DYNLL2: variants seen among roughly 807,000 people sequenced by gnomAD.
The protein encoded by DYNLL2 is dynein light chain LC8-type 2, also known as dynein light chain 2, cytoplasmic.
DYNLL2 carries 1 observed loss-of-function variant against 9.7 expected under a neutral mutation model. That is an observed-to-expected ratio of 0.10 (90% CI 0.04 to 0.49). The LOEUF (loss-of-function observed/expected upper bound fraction) is 0.49. Ranked by LOEUF, DYNLL2 falls within the 20% of genes least tolerant of loss-of-function variation. The probability of loss-of-function intolerance (pLI) is 0.95; values close to 1 mark genes in which losing one functional copy is unlikely to be tolerated. For missense variants in DYNLL2, 37 were observed against 115.2 expected (o/e 0.32, Z 3.11); for synonymous variants, 35 against 40.5 (o/e 0.86, Z 0.52).
In DYNLL2 at chr17:58,094,483, C is replaced by T. The variant is rs1394117544; in HGVS notation, c.*5204C>T. 6.6e-6 allele frequency: 1 copy of T among 152,200 alleles called. No homozygotes were observed. The highest frequency in any genetic ancestry group is 2.4e-5 in the African/African-American group (1 of 41,428). 9.4% of individuals were successfully genotyped at this position (152,200 alleles called of 1,614,324 possible). A position where few individuals can be genotyped will look rare whatever the true frequency, so the allele number is the denominator to read the frequency against. On this transcript the variant is annotated 3_prime_UTR_variant, in exon 3 of 3. Coordinates refer to ENST00000579991, the MANE Select transcript of DYNLL2 (RefSeq NM_080677.3). ...TATAGGGAAGGAAATAGGGAAGAAACTTGTCTAAGGTCACATGGATGTTCG... is the reference window on the plus strand; with the variant it reads ...TATAGGGAAGGAAATAGGGAAGAAATTTGTCTAAGGTCACATGGATGTTCG...
chr17:58,095,250 T>C lies in DYNLL2; in HGVS notation c.*5971T>C, dbSNP rs545267745. ...ATTTCTGAACTCTGCCATTCCAGTG[T>C]GAGAGCAGCCATAGATAATATGTAA... is the stretch of plus-strand genomic sequence containing the variant. On this transcript the variant is annotated 3_prime_UTR_variant, in exon 3 of 3. Transcript: ENST00000579991. 6.6e-6 allele frequency: 1 copy of C among 152,308 alleles called. No individual in the cohort carries two copies. The highest frequency in any genetic ancestry group is 2.4e-5 in the African/African-American group (1 of 41,574). 9.4% of individuals were successfully genotyped at this position (152,308 alleles called of 1,614,324 possible).
In DYNLL2 at chr17:58,087,348, C is replaced by G. The variant is rs995321731; in HGVS notation, c.132+126C>G. ...TCCTGTGCAAGCAAAACCCTAGGAA[C>G]TTGCAAAGCAGACAAACTAGCGAGT... On this transcript the variant is annotated intron_variant, in intron 2 of 2. Transcript: ENST00000579991. The G allele has an allele frequency of 3.7e-6, 5 of 1,367,890 alleles. No individual in the cohort carries two copies. The African/African-American group carries it at 7.3e-5, about 20-fold the overall frequency. 84.7% of individuals were successfully genotyped at this position (1,367,890 alleles called of 1,614,324 possible).
At chr17:58,086,924 A>G (rs2143594515) in intron 1 of DYNLL2, among the ~76,000 whole-genome samples, 158 bp from the exon 2 acceptor site, 1 of 152,252 alleles carries the variant, frequency 6.6e-6, no homozygotes, top group South Asian at 2.1e-4. Context: ...TGTCTCTGCC[A>G]AAGCTTAGGG....
rs779848400 is a variant in DYNLL2, at chr17:58,087,721, TAAGAA to T, written c.132+503_132+507del. On this transcript the variant is annotated intron_variant, in intron 2 of 2. Coordinates refer to ENST00000579991, the MANE Select transcript of DYNLL2 (RefSeq NM_080677.3). ...CATCACCCCTTTCTGTCTACATTCT[TAAGAA>T]AAGGGTGGGCTCAAATATATAATTT... is the stretch of plus-strand genomic sequence containing the variant. 3.3e-5 allele frequency among the ~76,000 whole-genome samples: 5 copies of T among 152,234 alleles called. No individual in the cohort carries two copies. The East Asian group carries it at 9.6e-4, about 29-fold the overall frequency.
intron 2 of DYNLL2, among the ~76,000 whole-genome samples, chr17:58,088,274 T>C (rs2075767827): frequency 6.6e-6 from 1 of 152,174 alleles, no homozygotes; most frequent in Non-Finnish European, 1.5e-5. Flanking sequence ...TGAGCCGAGA[T>C]TGAAGCTGGG....
At position 58,094,933 on chromosome 17, in the gene DYNLL2, C is replaced by T. The variant is rs1187610839; in HGVS notation, c.*5654C>T. ...ATTTGTGCTGTAGCATTTATCAGTA[C>T]TTTGTTCCTTTTTCTAGCTGAGTAA... On this transcript the variant is annotated 3_prime_UTR_variant, in exon 3 of 3. Coordinates refer to ENST00000579991, the MANE Select transcript of DYNLL2 (RefSeq NM_080677.3). 6.6e-6 allele frequency: 1 copy of T among 152,164 alleles called. No homozygotes were observed. The highest frequency in any genetic ancestry group is 2.4e-5 in the African/African-American group (1 of 41,420). 9.4% of individuals were successfully genotyped at this position (152,164 alleles called of 1,614,324 possible). A position where few individuals can be genotyped will look rare whatever the true frequency, so the allele number is the denominator to read the frequency against.
At position 58,093,735 on chromosome 17, in the gene DYNLL2, G is replaced by A. The variant is rs1302844667; in HGVS notation, c.*4456G>A. ...TAAGGAGCCACCTCTTCCTCCTTAAGGCCTTTGGGAGAGATGGGTCTCCTG... is the reference window on the plus strand; with the variant it reads ...TAAGGAGCCACCTCTTCCTCCTTAAAGCCTTTGGGAGAGATGGGTCTCCTG... On this transcript the variant is annotated 3_prime_UTR_variant, in exon 3 of 3. Coordinates refer to ENST00000579991, the MANE Select transcript of DYNLL2 (RefSeq NM_080677.3). The A allele has an allele frequency of 6.6e-6, 1 of 152,100 alleles. No homozygotes were observed. The highest frequency in any genetic ancestry group is 1.9e-4 in the East Asian group (1 of 5,186). 9.4% of individuals were successfully genotyped at this position (152,100 alleles called of 1,614,324 possible). A position where few individuals can be genotyped will look rare whatever the true frequency, so the allele number is the denominator to read the frequency against.
Position 58,089,269 on chromosome 17 carries a change from A to T in DYNLL2, c.260A>T (p.Lys87Met). Residue 87 changes from lysine to methionine, a missense_variant, in exon 3 of 3, where the codon AAG (lysine) becomes ATG (methionine). Lys to Met is a moderately conservative substitution (Grantham distance 95). Transcript: ENST00000579991. The part of the protein sequence containing the change: ...YLGQVAILLF[K>M]SG ...GGTCAAGTTGCAATCCTCCTCTTCA[A>T]GTCAGGCTAGGTGGCCATGGTGAAG... The T allele has an allele frequency of 6.2e-7, 1 of 1,613,828 alleles. No homozygotes were observed. Among genetic ancestry groups the T allele is most frequent in the Non-Finnish European group, 8.5e-7 (1 of 1,179,884 alleles).
At position 58,085,125 on chromosome 17, in the gene DYNLL2, C is replaced by G. The variant is rs114552009; in HGVS notation, c.-10+1442C>G. On this transcript the variant is annotated intron_variant, in intron 1 of 2. Coordinates refer to ENST00000579991, the MANE Select transcript of DYNLL2 (RefSeq NM_080677.3). ...TCACAGACTCCAGTTGAGGCTCTGA[C>G]TTTTCCTCTCCAGAATGTGGGGGCA... Among the ~76,000 whole-genome samples the G allele has an allele frequency of 7.7e-3, 1,173 of 152,342 alleles. 15 individuals are homozygous for G. The highest frequency in any genetic ancestry group is 0.027 in the African/African-American group (1,114 of 41,574).
rs1380412173 is a variant in DYNLL2, at chr17:58,091,228, T to C, written c.*1949T>C. 6.6e-6 allele frequency: 1 copy of C among 152,336 alleles called. No homozygotes were observed. The highest frequency in any genetic ancestry group is 6.5e-5 in the Admixed American group (1 of 15,268). 9.4% of individuals were successfully genotyped at this position (152,336 alleles called of 1,614,324 possible). On this transcript the variant is annotated 3_prime_UTR_variant, in exon 3 of 3. Transcript: ENST00000579991. ...CATTAAAGGTTGATTGATGCACCTC[T>C]GCACTGTTTGGGTCTCTTTGGGGAT...
At chr17:58,083,756 C>G (rs926727466) in intron 1 of DYNLL2, 73 bp downstream of exon 1, 1 of 152,076 alleles carries the variant, frequency 6.6e-6, no homozygotes, top group African/African-American at 2.4e-5. Flanking sequence ...ACGACCCGGC[C>G]CTCGCCGCGG....
At chr17:58,084,613 CCT>C (rs1165448343) in intron 1 of DYNLL2, among the ~76,000 whole-genome samples, 1 of 152,146 alleles carries the variant, frequency 6.6e-6, no homozygotes, top group Non-Finnish European at 1.5e-5. Flanking sequence ...TTGGGCTTCA[CCT>C]CTCTCAGATG....
At chr17:58,087,346 A>AACTT in intron 2 of DYNLL2, 124 bp downstream of exon 2, 1 of 1,383,094 alleles carries the variant, frequency 7.2e-7, no homozygotes, top group South Asian at 1.5e-5. Flanking sequence ...AAACCCTAGG[A>AACTT]ACTTGCAAAG....
At chr17:58,084,210 G>T (rs2075749096) in intron 1 of DYNLL2, among the ~76,000 whole-genome samples, 1 of 152,102 alleles carries the variant, frequency 6.6e-6, no homozygotes. Flanking sequence ...GGGGAAGGAG[G>T]ATGCTTCCTC....
intron 2 of DYNLL2, among the ~76,000 whole-genome samples, 172 bp from the exon 3 acceptor site, chr17:58,088,970 C>T (rs2075770412): frequency 6.6e-6 from 1 of 151,796 alleles, no homozygotes; most frequent in Middle Eastern, 3.4e-3. Flanking sequence ...GTGTCCTGGC[C>T]AGCTTTAAAA....
chr17:58,094,843 TA>T lies in DYNLL2; in HGVS notation c.*5567del, dbSNP rs1209764382. On this transcript the variant is annotated 3_prime_UTR_variant, in exon 3 of 3. Coordinates refer to ENST00000579991, the MANE Select transcript of DYNLL2 (RefSeq NM_080677.3). ...ATTTGCCTAATCTGGACATTTCATA[TA>T]AATGCAATTGTACATGTGGCCTTTT... is the stretch of plus-strand genomic sequence containing the variant. 1 of 152,258 alleles carries T rather than the reference TA, an allele frequency of 6.6e-6. No individual in the cohort carries two copies. Among genetic ancestry groups the T allele is most frequent in the Non-Finnish European group, 1.5e-5 (1 of 68,032 alleles). The allele number at this position is 152,258 out of a possible 1,614,324, so 9.4% of individuals were successfully genotyped here.
At position 58,091,726 on chromosome 17, in the gene DYNLL2, G is replaced by C. The variant is rs2075780848; in HGVS notation, c.*2447G>C. The C allele has an allele frequency of 6.6e-6, 1 of 152,182 alleles. No individual in the cohort carries two copies. The highest frequency in any genetic ancestry group is 6.5e-5 in the Admixed American group (1 of 15,280). 9.4% of individuals were successfully genotyped at this position (152,182 alleles called of 1,614,324 possible). On this transcript the variant is annotated 3_prime_UTR_variant, in exon 3 of 3. Coordinates refer to ENST00000579991, the MANE Select transcript of DYNLL2 (RefSeq NM_080677.3). The stretch of plus-strand genomic sequence containing the variant: ...ACCTAAGTGATTCTCTGAATCCTCT[G>C]TTGCCCAGACACACAACTCGAGAAA...
At chr17:58,086,556 C>T (rs912757825) in intron 1 of DYNLL2, among the ~76,000 whole-genome samples, 2 of 152,188 alleles carry the variant, frequency 1.3e-5, no homozygotes, top group African/African-American at 4.8e-5. Context: ...GAGATAAACT[C>T]AGGACCAGGA....
In DYNLL2 at chr17:58,089,456, G is replaced by A; in HGVS notation, c.*177G>A. On this transcript the variant is annotated 3_prime_UTR_variant, in exon 3 of 3. Coordinates refer to ENST00000579991, the MANE Select transcript of DYNLL2 (RefSeq NM_080677.3). ...AGTAAACAAAACCAAACCTCTTTCTGTTTAGTTGCCTGGGGGAAGAAGGCT... is the reference window on the plus strand; with the variant it reads ...AGTAAACAAAACCAAACCTCTTTCTATTTAGTTGCCTGGGGGAAGAAGGCT... 4 of 738,580 alleles carry A rather than the reference G, an allele frequency of 5.4e-6. No homozygotes were observed. The highest frequency in any genetic ancestry group is 8.0e-6 in the Non-Finnish European group (4 of 498,366). The allele number at this position is 738,580 out of a possible 1,614,324, so 45.8% of individuals were successfully genotyped here.
Sources: allele counts gnomAD v4.1 joint callset (sites outside exome capture counted in the v4.1 genomes callset), GRCh38; gene constraint gnomAD v4.1.1; transcripts MANE v1.5; gene names NCBI Gene and HGNC (gene_info 2026-07-23, HGNC 2026-07-21).